The following LRRK1 variants were observed in gnomAD, a reference collection of about 807,000 sequenced individuals.
LRRK1 encodes leucine-rich repeat serine/threonine-protein kinase 1.
Under a neutral mutation model 209.1 loss-of-function variants are expected in LRRK1, and 113 were observed. That is an observed-to-expected ratio of 0.54 (90% CI 0.46 to 0.63). The LOEUF (loss-of-function observed/expected upper bound fraction) is 0.63, where lower values mean the gene tolerates loss of function less well. Among genes scored for constraint, LRRK1 ranks in the 30% least tolerant of loss-of-function variants. LRRK1 has a pLI of 0.00. For synonymous variants in LRRK1, 1,144 were observed against 1,099.7 expected (o/e 1.04, Z -0.80); for missense variants, 2,284 against 2,632.2 (o/e 0.87, Z 2.89).
chr15:101,027,623 C>T lies in LRRK1; in HGVS notation c.2527-15C>T. On this transcript the variant is annotated splice_polypyrimidine_tract_variant and intron_variant, in intron 18 of 33. Transcript: ENST00000388948. The surrounding 1 kb of genome is among the most constrained non-coding windows in gnomAD (Gnocchi z 5.1). ...TGGGACCTGAGAGACCCTGCCTCGC[C>T]CAACTGTCCCCCAGATCCCCAGGAG... 6.2e-7 allele frequency: 1 copy of T among 1,608,810 alleles called. No individual in the cohort carries two copies. Among genetic ancestry groups the T allele is most frequent in the Non-Finnish European group, 8.5e-7 (1 of 1,178,460 alleles).
intron 2 of LRRK1, among the ~76,000 whole-genome samples, chr15:100,972,833 C>T (rs1045182309): frequency 1.3e-5 from 2 of 152,016 alleles, no homozygotes; most frequent in Non-Finnish European, 2.9e-5. Flanking sequence ...TCCGTAATAC[C>T]TATGGAGAGA....
chr15:101,008,086 T>TG (rs1235115505), intron 6 of LRRK1, among the ~76,000 whole-genome samples: 1 of 133,868 alleles, frequency 7.5e-6, no homozygotes, highest in Non-Finnish European at 1.5e-5. Context: ...GCGGTTGCAG[T>TG]GAGCCGAGAT....
intron 2 of LRRK1, among the ~76,000 whole-genome samples, chr15:100,925,777 A>T (rs1453614304): frequency 6.6e-6 from 1 of 152,202 alleles, no homozygotes; most frequent in Non-Finnish European, 1.5e-5. Flanking sequence ...TTTCCGTTTT[A>T]TAGCTGAGGA....
chr15:101,012,648 GC>G (rs561187352), intron 10 of LRRK1, among the ~76,000 whole-genome samples: 321 of 5,964 alleles, frequency 0.054, 2 homozygotes, highest in Non-Finnish European at 0.4. Flanking sequence ...GAGTGCCCAG[GC>G]CACCCTGCAC....
Position 101,065,848 on chromosome 15 carries a change from A to C in LRRK1, c.5411A>C (p.Asn1804Thr). 6.2e-7 allele frequency: 1 copy of C among 1,614,108 alleles called. No homozygotes were observed. Among genetic ancestry groups the C allele is most frequent in the Non-Finnish European group, 8.5e-7 (1 of 1,180,008 alleles). ...CCCCCGGCAGCCAGCCACACGGCCA[A>C]CCCAAAGGTGCCTGAGGGGGACTCC... ...TEPPAASHTA[N>T]PKVPEGDSIA... The change falls in exon 32 of 34, where the codon AAC becomes ACC. Residue 1804 changes from asparagine to threonine, a missense_variant. Physicochemically the swap from Asn to Thr is moderately conservative, Grantham distance 65. This residue lies in a region of LRRK1 where 643 missense variants were observed against 695.9 expected (regional missense o/e 0.92). Transcript: ENST00000388948.
chr15:101,001,878 G>T (rs1243797930), intron 6 of LRRK1, among the ~76,000 whole-genome samples: 1 of 152,202 alleles, frequency 6.6e-6, no homozygotes, highest in Non-Finnish European at 1.5e-5. Context: ...GAAGAGCTAT[G>T]AATTCTGCTG....
At chr15:101,052,844 T>C (rs2035540652) in intron 24 of LRRK1, 78 bp from the exon 25 acceptor site, 12 of 1,498,440 alleles carry the variant, frequency 8.0e-6, no homozygotes, top group Non-Finnish European at 9.9e-6. Context: ...CTCTCGGCCG[T>C]TGGGGCAAAT....
At chr15:100,959,486 G>A (rs1044637990) in intron 2 of LRRK1, among the ~76,000 whole-genome samples, 7 of 152,166 alleles carry the variant, frequency 4.6e-5, no homozygotes, top group African/African-American at 1.7e-4. Flanking sequence ...GCTAGAAGGA[G>A]GAGAATTTCG....
At position 101,022,099 on chromosome 15, in the gene LRRK1, T is replaced by C; in HGVS notation, c.1852+142T>C. The C allele has an allele frequency of 1.5e-6, 1 of 663,270 alleles. No individual in the cohort carries two copies. 41.1% of individuals were successfully genotyped at this position (663,270 alleles called of 1,614,324 possible). A position where few individuals can be genotyped will look rare whatever the true frequency, so the allele number is the denominator to read the frequency against. On this transcript the variant is annotated intron_variant, in intron 14 of 33. Transcript: ENST00000388948. The surrounding 1 kb of genome is among the most constrained non-coding windows in gnomAD (Gnocchi z 4.0). ...CCAGATTTGACAAGATGCTATAAAATTGTCCCTAAAGCAATCGTTACTGAG... is the reference window on the plus strand; with the variant it reads ...CCAGATTTGACAAGATGCTATAAAACTGTCCCTAAAGCAATCGTTACTGAG...
chr15:101,036,469 ATATC>A (rs1292374875), intron 20 of LRRK1, among the ~76,000 whole-genome samples: 1 of 152,112 alleles, frequency 6.6e-6, no homozygotes, highest in Non-Finnish European at 1.5e-5. Context: ...AATGATATTA[ATATC>A]TATCTCTTTG....
chr15:100,963,846 T>C (rs1282075025), intron 2 of LRRK1, among the ~76,000 whole-genome samples: 1 of 152,236 alleles, frequency 6.6e-6, no homozygotes, highest in Non-Finnish European at 1.5e-5. Flanking sequence ...AGGAATGTTA[T>C]AAGCCTTTCA....
chr15:101,066,629 T>G lies in LRRK1; in HGVS notation c.5769-11T>G, dbSNP rs201940371. On this transcript the variant is annotated splice_polypyrimidine_tract_variant and intron_variant, in intron 32 of 33. Coordinates refer to ENST00000388948, the MANE Select transcript of LRRK1 (RefSeq NM_024652.6). ...ACAAATCGCTTCCCCTTCTGGGTTT[T>G]GGTTGCTTAGGCGCGGTGGAGATGT... is the stretch of plus-strand genomic sequence containing the variant. The G allele has an allele frequency of 3.2e-5, 52 of 1,613,596 alleles. No individual in the cohort carries two copies. Among genetic ancestry groups the G allele is most frequent in the Non-Finnish European group, 4.4e-5 (52 of 1,179,466 alleles).
At chr15:100,987,663 G>A (rs2031945113) in intron 4 of LRRK1, among the ~76,000 whole-genome samples, 1 of 152,112 alleles carries the variant, frequency 6.6e-6, no homozygotes, top group Admixed American at 6.5e-5. Flanking sequence ...AGGGTTTATT[G>A]ATCCAGGCAC....
chr15:100,972,351 AGAGAGAGAGAGAGTGTGTGT>A (rs2030955684), intron 2 of LRRK1, among the ~76,000 whole-genome samples: 1 of 133,600 alleles, frequency 7.5e-6, no homozygotes, highest in East Asian at 2.0e-4. Flanking sequence ...AGAGAGAGAG[AGAGAGAGAGAGAGTGTGTGT>A]GTGTGTGTGT....
intron 22 of LRRK1, chr15:101,049,436 G>A (rs1005248026): frequency 2.0e-6 from 1 of 511,206 alleles, no homozygotes; most frequent in Non-Finnish European, 3.4e-6. Flanking sequence ...AATCTTCCTC[G>A]TGCCTCCTTC....
In LRRK1 at chr15:101,077,476, G is replaced by A. The variant is rs2037024067; in HGVS notation, c.*8628G>A. 1 of 152,112 alleles carries A rather than the reference G, an allele frequency of 6.6e-6. No homozygotes were observed. Among genetic ancestry groups the A allele is most frequent in the East Asian group, 1.9e-4 (1 of 5,198 alleles). 9.4% of individuals were successfully genotyped at this position (152,112 alleles called of 1,614,324 possible). ...GGCAGGACTATGCTGAACCTCCTTTGGCACTCTCTAATCAGATGTCCTGAG... is the reference window on the plus strand; with the variant it reads ...GGCAGGACTATGCTGAACCTCCTTTAGCACTCTCTAATCAGATGTCCTGAG... On this transcript the variant is annotated 3_prime_UTR_variant, in exon 34 of 34. Coordinates refer to ENST00000388948, the MANE Select transcript of LRRK1 (RefSeq NM_024652.6).
Position 101,051,592 on chromosome 15 carries a change from G to C in LRRK1, c.3440-119G>C, listed in dbSNP as rs576072408. 5 of 1,327,812 alleles carry C rather than the reference G, an allele frequency of 3.8e-6. No homozygotes were observed. In the South Asian group the frequency reaches 5.6e-5, roughly 15 times the overall value. The allele number at this position is 1,327,812 out of a possible 1,614,324, so 82.3% of individuals were successfully genotyped here. On this transcript the variant is annotated intron_variant, in intron 23 of 33. Transcript: ENST00000388948. ...GTTTCAGCCTGTCTCTTGGGTACAG[G>C]CCAGGACAGGCAGCTCCCCTGCTGC...
intron 11 of LRRK1, among the ~76,000 whole-genome samples, chr15:101,014,984 A>G (rs1204635310): frequency 6.6e-6 from 1 of 152,240 alleles, no homozygotes; most frequent in Non-Finnish European, 1.5e-5. Context: ...ACTAACTGAA[A>G]TGGACGTGGA....
Position 101,053,374 on chromosome 15 carries a change from C to T in LRRK1, c.4008C>T (p.Leu1336=), listed in dbSNP as rs772075108. The T allele has an allele frequency of 5.6e-6, 9 of 1,600,820 alleles. No individual in the cohort carries two copies. The highest frequency in any genetic ancestry group is 1.1e-5 in the South Asian group (1 of 91,020). ...SIHPLCFALE[L]APLSSLNTVL... ...ACCCGCTCTGCTTCGCCCTGGAGCT[C>T]GCGCCGCTCAGCAGCCTCAACACCG... is the stretch of plus-strand genomic sequence containing the variant. Residue 1336 remains leucine, a synonymous_variant, in exon 26 of 34, where the codon CTC becomes CTT. Coordinates refer to ENST00000388948, the MANE Select transcript of LRRK1 (RefSeq NM_024652.6).
Sources: allele counts gnomAD v4.1 joint callset (sites outside exome capture counted in the v4.1 genomes callset), GRCh38; gene constraint gnomAD v4.1.1; regional missense constraint gnomAD v4.1.1; non-coding constraint Gnocchi (gnomAD v3.1); transcripts MANE v1.5; gene names NCBI Gene and HGNC (gene_info 2026-07-23, HGNC 2026-07-21).